Variants in CCT3 observed in about 807,000 individuals in gnomAD.
CCT3 encodes the protein T-complex protein 1 subunit gamma.
CCT3 carries 10 observed loss-of-function variants against 65.3 expected under a neutral mutation model. The observed-to-expected ratio is 0.15, with a 90% CI of 0.09 to 0.26. The LOEUF is 0.26. Among genes scored for constraint, CCT3 ranks in the 10% least tolerant of loss-of-function variants. The pLI, the probability that CCT3 is intolerant of heterozygous loss-of-function variation, is 1.00. For missense variants in CCT3, 626 were observed against 708.7 expected, an observed-to-expected ratio of 0.88 and a Z score of 1.33; for synonymous variants, 225 against 242.3, an observed-to-expected ratio of 0.93 and a Z score of 0.66.
intron 10 of CCT3, 58 bp downstream of exon 10, chr1:156,317,108 C>A (rs193079865): frequency 2.8e-5 from 39 of 1,396,920 alleles, no homozygotes; most frequent in Middle Eastern, 1.8e-4. Context: ...GACTGTTACG[C>A]AACTACAAAA....
At chr1:156,315,619 G>A (rs1345632024) in intron 10 of CCT3, among the ~76,000 whole-genome samples, 2 of 152,112 alleles carry the variant, frequency 1.3e-5, no homozygotes, top group African/African-American at 4.8e-5. Flanking sequence ...TATTGGTAAG[G>A]GTTCGGGTCA....
chr1:156,336,922 A>G (rs1394349690), intron 1 of CCT3, among the ~76,000 whole-genome samples: 3 of 151,944 alleles, frequency 2.0e-5, no homozygotes, highest in Admixed American at 6.6e-5. Flanking sequence ...TAGCGTTTTT[A>G]TTTTATTTTT....
At chr1:156,317,660 T>C in intron 8 of CCT3, 113 bp from the exon 9 acceptor site, 1 of 1,060,962 alleles carries the variant, frequency 9.4e-7, no homozygotes, top group African/African-American at 1.6e-5. Context: ...GTCAGAATTA[T>C]GTTAAAGCCA....
intron 10 of CCT3, among the ~76,000 whole-genome samples, chr1:156,312,824 G>C (rs1664140104): frequency 6.6e-6 from 1 of 152,096 alleles, no homozygotes; most frequent in South Asian, 2.1e-4. Context: ...ATATAGGTAA[G>C]AACAGCATAC....
intron 5 of CCT3, among the ~76,000 whole-genome samples, chr1:156,331,832 G>C (rs904635616): frequency 6.6e-6 from 1 of 151,720 alleles, no homozygotes; most frequent in African/African-American, 2.4e-5. Context: ...TCGGGAGTTC[G>C]ACACCAGCCT....
At chr1:156,328,654 G>A (rs893776475) in intron 5 of CCT3, among the ~76,000 whole-genome samples, 6 of 151,852 alleles carry the variant, frequency 4.0e-5, no homozygotes, top group Admixed American at 3.3e-4. Flanking sequence ...GATGCTTGAA[G>A]GCAGCATGCT....
Position 156,325,083 on chromosome 1 carries a change from T to A in CCT3, c.311A>T (p.Glu104Val). The A allele has an allele frequency of 1.2e-6, 2 of 1,608,800 alleles. No homozygotes were observed. Among genetic ancestry groups the A allele is most frequent in the Non-Finnish European group, 1.7e-6 (2 of 1,176,886 alleles). Residue 104 changes from glutamate to valine, a missense_variant, in exon 6 of 14, where the codon GAA (glutamate) becomes GTA (valine). Coordinates refer to ENST00000295688, the MANE Select transcript of CCT3 (RefSeq NM_005998.5). ...GTTSVIILAG[E>V]MLSVAEHFLE... ...GAAGTGCTCAGCTACAGACAGCATT[T>A]CCCCTGCTGAAAAAGATACAAGCAC...
In CCT3 at chr1:156,309,202, C is replaced by G; in HGVS notation, c.1635G>C (p.Glu545Asp). The G allele has an allele frequency of 6.2e-7, 1 of 1,608,178 alleles. No individual in the cohort carries two copies. The highest frequency in any genetic ancestry group is 8.5e-7 in the Non-Finnish European group (1 of 1,174,650). The change falls in exon 14 of 14, where the codon GAG becomes GAC. Residue 545 changes from glutamate to aspartate, a missense_variant. Transcript: ENST00000295688. ...TTGAAGTAGCCTTGCCTAGCACTCA[C>G]TCCTGGCCAGCATCAGGAGCCCCGC... ...RQGGAPDAGQ[E>D]
chr1:156,328,661 T>C (rs1664967568), intron 5 of CCT3, among the ~76,000 whole-genome samples: 1 of 151,962 alleles, frequency 6.6e-6, no homozygotes, highest in Non-Finnish European at 1.5e-5. Context: ...GAAGGCAGCA[T>C]GCTCGTTAAG....
At position 156,334,899 on chromosome 1, in the gene CCT3, C is replaced by A; in HGVS notation, c.113G>T (p.Arg38Leu). Residue 38 changes from arginine to leucine, a missense_variant, in exon 3 of 14, where the codon CGA (arginine) becomes CTA (leucine). Physicochemically the swap from Arg to Leu is moderately radical, Grantham distance 102. Coordinates refer to ENST00000295688, the MANE Select transcript of CCT3 (RefSeq NM_005998.5). ...CATGGACTTGGGTCCCAAACATGTT[C>A]GGATGATATCTGCAATAGTCTAATG... is the stretch of plus-strand genomic sequence containing the variant. ...NAAKTIADII[R>L]TCLGPKSMMK... 6.2e-7 allele frequency: 1 copy of A among 1,613,924 alleles called. No homozygotes were observed. Among genetic ancestry groups the A allele is most frequent in the South Asian group, 1.1e-5 (1 of 91,058 alleles).
intron 13 of CCT3, among the ~76,000 whole-genome samples, chr1:156,310,037 CAAAAAAAA>C (rs71080758): frequency 1.8e-4 from 14 of 76,492 alleles, no homozygotes; most frequent in African/African-American, 7.4e-4. Context: ...TAGTCTGTTT[CAAAAAAAA>C]AAAAAAAAAA....
intron 1 of CCT3, chr1:156,336,951 C>A: frequency 2.3e-6 from 1 of 428,988 alleles, no homozygotes; most frequent in Non-Finnish European, 3.4e-6. Context: ...AAGTTATTTC[C>A]CAGGTACAGA....
chr1:156,318,582 G>C (rs1237205136), intron 8 of CCT3, among the ~76,000 whole-genome samples: 2 of 152,094 alleles, frequency 1.3e-5, no homozygotes, highest in African/African-American at 4.8e-5. Context: ...TGGTGCATTA[G>C]GAAAGGCAGC....
chr1:156,321,079 G>C, intron 6 of CCT3, 54 bp from the exon 7 acceptor site: 1 of 1,424,914 alleles, frequency 7.0e-7, no homozygotes, highest in Non-Finnish European at 9.8e-7. Context: ...GATATGTAGA[G>C]ATGTGCCTTA....
intron 5 of CCT3, among the ~76,000 whole-genome samples, chr1:156,328,264 C>T (rs1207402432): frequency 2.0e-5 from 3 of 147,810 alleles, no homozygotes; most frequent in African/African-American, 7.4e-5. Context: ...GGCCAGCCGC[C>T]CCATCCGGGA....
intron 5 of CCT3, among the ~76,000 whole-genome samples, chr1:156,327,054 TAAAC>T (rs774613692): frequency 1.5e-4 from 23 of 152,026 alleles, no homozygotes; most frequent in African/African-American, 3.1e-4. Flanking sequence ...TCAAAATAAA[TAAAC>T]AAATAAAATT....
chr1:156,315,873 C>CA (rs1209040159), intron 10 of CCT3, among the ~76,000 whole-genome samples: 2 of 151,586 alleles, frequency 1.3e-5, no homozygotes, highest in Non-Finnish European at 2.9e-5. Context: ...TTAGAACCTG[C>CA]AAAAAAGAAA....
intron 5 of CCT3, among the ~76,000 whole-genome samples, chr1:156,327,211 G>A (rs1355603456): frequency 6.6e-6 from 1 of 152,172 alleles, no homozygotes; most frequent in Non-Finnish European, 1.5e-5. Context: ...CAAATTGCTT[G>A]TACTACCTGC....
intron 1 of CCT3, chr1:156,337,376 C>A: frequency 1.6e-5 from 3 of 189,794 alleles, no homozygotes; most frequent in South Asian, 6.7e-5. Flanking sequence ...CCACTGCAAC[C>A]CAGCCTGGGT....
Sources: allele counts gnomAD v4.1 joint callset (sites outside exome capture counted in the v4.1 genomes callset), GRCh38; gene constraint gnomAD v4.1.1; transcripts MANE v1.5; gene names NCBI Gene and HGNC (gene_info 2026-07-23, HGNC 2026-07-21).